The following RIPOR2 variants were observed in gnomAD, a reference collection of about 807,000 sequenced individuals.
RIPOR2 encodes rho family-interacting cell polarization regulator 2.
A neutral mutation model predicts 114.5 loss-of-function variants in RIPOR2; 39 were observed. The ratio of observed to expected loss-of-function variants is 0.34; its 90% CI spans 0.26 to 0.44. The LOEUF (loss-of-function observed/expected upper bound fraction) is 0.44, where lower values mean the gene tolerates loss of function less well. Among genes scored for constraint, RIPOR2 ranks in the 20% least tolerant of loss-of-function variants. The pLI, the probability that RIPOR2 is intolerant of heterozygous loss-of-function variation, is 1.00. For synonymous variants in RIPOR2, 445 were observed against 484.4 expected (o/e 0.92, Z 1.07); for missense variants, 1,007 against 1,255.1 (o/e 0.80, Z 2.99).
At chr6:25,014,996 G>C (rs781574199) in intron 1 of RIPOR2, 2 of 116,488 alleles carry the variant, frequency 1.7e-5, no homozygotes, top group African/African-American at 3.0e-5. Context: ...ATTAAATGCA[G>C]AGACAGTTAT....
chr6:24,970,154 A>C (rs567514984), intron 1 of RIPOR2, among the ~76,000 whole-genome samples: 2 of 34,540 alleles, frequency 5.8e-5, no homozygotes, highest in South Asian at 4.8e-3. Context: ...GGGGAAAGAA[A>C]GGGGACGAAA....
chr6:24,877,313 T>C, intron 1 of RIPOR2: 1 of 985,210 alleles, frequency 1.0e-6, no homozygotes, highest in East Asian at 1.1e-4. Context: ...CCTCCCTCCC[T>C]CTCCAGGAGA....
intron 1 of RIPOR2, among the ~76,000 whole-genome samples, chr6:24,998,976 C>T: frequency 6.6e-6 from 1 of 152,108 alleles, no homozygotes; most frequent in Non-Finnish European, 1.5e-5. Context: ...ATTCCTTTTG[C>T]CTCAGGCTCC....
intron 1 of RIPOR2, among the ~76,000 whole-genome samples, chr6:25,034,313 G>C (rs1466474801): frequency 6.6e-6 from 1 of 151,712 alleles, no homozygotes; most frequent in South Asian, 2.1e-4. Flanking sequence ...CAACTGTTGG[G>C]GGGGTGGGTA....
At chr6:24,944,409 A>G (rs1772304080) in intron 1 of RIPOR2, among the ~76,000 whole-genome samples, 1 of 152,190 alleles carries the variant, frequency 6.6e-6, no homozygotes, top group South Asian at 2.1e-4. Context: ...GCCACACATG[A>G]CAAACAATAT....
rs1183783703 is a variant in RIPOR2 at position 24,898,864 on chromosome 6, T to TTC, written c.62-23049_62-23048dup. On this transcript the variant is annotated intron_variant, in intron 1 of 21. Coordinates refer to ENST00000643898, the MANE Select transcript of RIPOR2 (RefSeq NM_001286445.3). ...CCGTCATAACAAAAACATATTTACT[T>TTC]TCTCTGGCTCCTCCTTTTGATACTG... Among the ~76,000 whole-genome samples the TTC allele has an allele frequency of 7.9e-5, 12 of 152,282 alleles. No individual in the cohort carries two copies. The East Asian group carries it at 2.3e-3, about 29-fold the overall frequency.
At chr6:24,932,350 G>C (rs1771465423) in intron 1 of RIPOR2, among the ~76,000 whole-genome samples, 1 of 152,016 alleles carries the variant, frequency 6.6e-6, no homozygotes, top group African/African-American at 2.4e-5. Flanking sequence ...GTGTATGAGA[G>C]AGAGAAAAAG....
At chr6:24,989,593 C>G (rs924904982) in intron 1 of RIPOR2, among the ~76,000 whole-genome samples, 2 of 151,864 alleles carry the variant, frequency 1.3e-5, no homozygotes, top group African/African-American at 4.8e-5. Flanking sequence ...CCATACCCAG[C>G]CTTGTACTTT....
intron 4 of RIPOR2, among the ~76,000 whole-genome samples, chr6:24,871,508 C>T (rs1396388529): frequency 2.0e-5 from 3 of 152,138 alleles, no homozygotes; most frequent in Middle Eastern, 3.2e-3. Context: ...CCCACCACCA[C>T]GCCCAGCTAA....
intron 8 of RIPOR2, among the ~76,000 whole-genome samples, chr6:24,854,163 G>C (rs1008590100): frequency 6.6e-6 from 1 of 151,038 alleles, no homozygotes; most frequent in African/African-American, 2.4e-5. Flanking sequence ...ACAGTAAATT[G>C]ATATGCATCA....
intron 1 of RIPOR2, among the ~76,000 whole-genome samples, chr6:24,925,452 C>T (rs1770795838): frequency 6.6e-6 from 1 of 152,034 alleles, no homozygotes; most frequent in African/African-American, 2.4e-5. Context: ...GCCTGTAATC[C>T]CAGCACTTTG....
intron 12 of RIPOR2, among the ~76,000 whole-genome samples, chr6:24,845,999 C>T (rs1057420911): frequency 6.6e-6 from 1 of 152,148 alleles, no homozygotes; most frequent in Non-Finnish European, 1.5e-5. Context: ...CAGATGGGAA[C>T]AGCCGCTCTG....
At chr6:25,002,213 G>T (rs560676209) in intron 1 of RIPOR2, among the ~76,000 whole-genome samples, 2 of 152,250 alleles carry the variant, frequency 1.3e-5, no homozygotes, top group African/African-American at 4.8e-5. Context: ...TCAGTAAATG[G>T]CATTTAAAAC....
intron 1 of RIPOR2, among the ~76,000 whole-genome samples, chr6:24,902,704 C>T (rs899832427): frequency 3.9e-5 from 6 of 152,160 alleles, no homozygotes; most frequent in African/African-American, 9.7e-5. Flanking sequence ...TCAATGGTAC[C>T]AACTCCACTT....
At chr6:25,034,606 C>G (rs1777152599) in intron 1 of RIPOR2, among the ~76,000 whole-genome samples, 1 of 152,186 alleles carries the variant, frequency 6.6e-6, no homozygotes, top group Admixed American at 6.5e-5. Flanking sequence ...TCTTTAGATC[C>G]TTCATCAAAC....
chr6:24,983,692 G>GT (rs1158085132), intron 1 of RIPOR2, among the ~76,000 whole-genome samples: 1 of 146,608 alleles, frequency 6.8e-6, no homozygotes, highest in Admixed American at 7.0e-5. Flanking sequence ...GGGAGGCAGA[G>GT]GTTGCAGTGA....
chr6:24,944,287 G>T (rs775718500), intron 1 of RIPOR2, among the ~76,000 whole-genome samples: 1 of 152,160 alleles, frequency 6.6e-6, no homozygotes, highest in Admixed American at 6.5e-5. Context: ...GTCCTAGTGT[G>T]CATATAGAAC....
Position 24,935,827 on chromosome 6 carries a change from G to T in RIPOR2, c.61+11C>A, listed in dbSNP as rs762779627. ...AGACCGGAGAGCCTCCTGCCAGAAA[G>T]ATGCATTTACCTTCACCAAAAACAT... On this transcript the variant is annotated intron_variant, in intron 1 of 21. Transcript: ENST00000643898. The T allele has an allele frequency of 1.3e-6, 2 of 1,530,876 alleles. No individual in the cohort carries two copies. Among genetic ancestry groups the T allele is most frequent in the South Asian group, 1.2e-5 (1 of 83,920 alleles). 94.8% of individuals were successfully genotyped at this position (1,530,876 alleles called of 1,614,324 possible).
intron 1 of RIPOR2, among the ~76,000 whole-genome samples, chr6:24,983,164 C>T (rs1774372925): frequency 6.6e-6 from 1 of 151,318 alleles, no homozygotes; most frequent in South Asian, 2.1e-4. Context: ...TTAATTTTGC[C>T]TCAGGTTTTT....
Sources: allele counts gnomAD v4.1 joint callset (sites outside exome capture counted in the v4.1 genomes callset), GRCh38; gene constraint gnomAD v4.1.1; transcripts MANE v1.5; gene names NCBI Gene and HGNC (gene_info 2026-07-23, HGNC 2026-07-21).